The following ATG2B variants were observed in gnomAD, a reference collection of about 807,000 sequenced individuals.
The protein encoded by ATG2B is autophagy related 2B, also known as autophagy-related protein 2 homolog B.
ATG2B carries 121 observed loss-of-function variants against 241.3 expected under a neutral mutation model. That is an observed-to-expected ratio of 0.50 (90% CI 0.43 to 0.58). ATG2B has a LOEUF of 0.58. ATG2B is among the 20% of genes least tolerant of loss of function. The probability of loss-of-function intolerance (pLI) is 0.00; values close to 1 mark genes in which losing one functional copy is unlikely to be tolerated. For synonymous variants in ATG2B, 858 were observed against 876.6 expected (o/e 0.98, Z 0.37); for missense variants, 2,306 against 2,491.6 (o/e 0.93, Z 1.59).
intron 16 of ATG2B, among the ~76,000 whole-genome samples, 196 bp from the exon 17 acceptor site, chr14:96,322,931 T>C (rs997096584): frequency 6.6e-6 from 1 of 152,182 alleles, no homozygotes; most frequent in Admixed American, 6.5e-5. Context: ...CTGAAACAAG[T>C]AAGTAACAGA....
At chr14:96,307,308 G>A (rs745981000) in intron 29 of ATG2B, among the ~76,000 whole-genome samples, 6 of 152,132 alleles carry the variant, frequency 3.9e-5, no homozygotes, top group Non-Finnish European at 8.8e-5. Flanking sequence ...CTACCTGGGA[G>A]GCCGAGGTAG....
intron 6 of ATG2B, among the ~76,000 whole-genome samples, chr14:96,340,148 AAT>A (rs1555369435): frequency 1.6e-3 from 23 of 14,616 alleles, no homozygotes; most frequent in African/African-American, 4.3e-3. Flanking sequence ...GATATATATG[AAT>A]ATATATATCA....
intron 34 of ATG2B, 74 bp from the exon 35 acceptor site, chr14:96,295,634 C>G: frequency 1.1e-6 from 1 of 940,276 alleles, no homozygotes; most frequent in Non-Finnish European, 1.6e-6. Context: ...AACAAAGTAT[C>G]TTAAACTCAT....
chr14:96,321,615 A>C (rs1887458871), intron 18 of ATG2B, among the ~76,000 whole-genome samples: 1 of 152,214 alleles, frequency 6.6e-6, no homozygotes, highest in South Asian at 2.1e-4. Flanking sequence ...CATTAGTATC[A>C]AAATACCTGC....
rs575307870 is a variant in ATG2B, at chr14:96,301,792, T to C, written c.5139+215A>G. ...AGGTATTAAGGTCTACATCACACCATGAGTAGGAGACTGGGGAATAACATC... is the reference window on the plus strand; with the variant it reads ...AGGTATTAAGGTCTACATCACACCACGAGTAGGAGACTGGGGAATAACATC... On this transcript the variant is annotated intron_variant, in intron 34 of 41. Transcript: ENST00000359933. Among the ~76,000 whole-genome samples the C allele has an allele frequency of 1.7e-4, 26 of 152,224 alleles. No homozygotes were observed. The South Asian group carries it at 5.0e-3, about 29-fold the overall frequency.
At position 96,309,578 on chromosome 14, in the gene ATG2B, C is replaced by T. The variant is rs745992587; in HGVS notation, c.4178G>A (p.Arg1393Gln). The T allele has an allele frequency of 1.7e-5, 28 of 1,612,252 alleles. 1 individual carries two copies. The South Asian group carries it at 1.9e-4, about 11-fold the overall frequency. ...AAGTACTGGACCACGTGAGGATGAT[C>T]GACCACTGGAATCTACCTATAGCCA... ...QRRSKVDSSG[R>Q]SSSRGPVLPE... Residue 1393 changes from arginine to glutamine, a missense_variant, in exon 29 of 42, where the codon CGA becomes CAA. By Grantham distance (43) the Arg-to-Gln change is conservative (BLOSUM62 1). Coordinates refer to ENST00000359933, the MANE Select transcript of ATG2B (RefSeq NM_018036.7).
intron 1 of ATG2B, among the ~76,000 whole-genome samples, chr14:96,352,143 C>T (rs909661598): frequency 6.6e-6 from 1 of 152,184 alleles, no homozygotes; most frequent in Non-Finnish European, 1.5e-5. Flanking sequence ...CTGAAAAATT[C>T]CTATCACCTT....
intron 1 of ATG2B, among the ~76,000 whole-genome samples, chr14:96,357,562 C>A (rs919674997): frequency 6.6e-6 from 1 of 152,226 alleles, no homozygotes; most frequent in Non-Finnish European, 1.5e-5. Flanking sequence ...CCACTCCCAA[C>A]TCCAGACAGT....
In ATG2B at chr14:96,362,665, C is replaced by T. The variant is rs1888693048; in HGVS notation, c.162+150G>A. 6.6e-6 allele frequency: 5 copies of T among 752,958 alleles called. 1 individual carries two copies. The highest frequency in any genetic ancestry group is 6.1e-5 in the South Asian group (3 of 49,190). The allele number at this position is 752,958 out of a possible 1,614,324, so 46.6% of individuals were successfully genotyped here. On this transcript the variant is annotated intron_variant, in intron 1 of 41. Coordinates refer to ENST00000359933, the MANE Select transcript of ATG2B (RefSeq NM_018036.7). Reference sequence around the variant, plus strand: ...AACTTGTTAGAAACAGATTAAACAACACTCTAACACATTTCTCTGAGCCGT... The same window carrying T: ...AACTTGTTAGAAACAGATTAAACAATACTCTAACACATTTCTCTGAGCCGT...
At chr14:96,323,488 T>G (rs1369475253) in intron 16 of ATG2B, among the ~76,000 whole-genome samples, 2 of 152,220 alleles carry the variant, frequency 1.3e-5, no homozygotes, top group African/African-American at 4.8e-5. Context: ...GTGGTGTTAT[T>G]TGGTTTGTAA....
Position 96,305,698 on chromosome 14 carries a change from G to C in ATG2B, c.4624C>G (p.Pro1542Ala), listed in dbSNP as rs1286051562. Residue 1542 changes from proline (P) to alanine (A), a missense_variant, in exon 31 of 42, where the codon CCC (proline) becomes GCC (alanine). Around this residue, in one of 2 missense-constraint regions of ATG2B, gnomAD observed 1,927 missense variants for 2,011.2 expected, o/e 0.96. Transcript: ENST00000359933. ...ACCACATAGCGAATCACAGGAATGG[G>C]AAAGTGTAAGGGGGCTTTGCTCGTA... ...TDTSKAPLHF[P>A]IPVIRYVVKE... 1 of 1,614,152 alleles carries C rather than the reference G, an allele frequency of 6.2e-7. No homozygotes were observed.
In ATG2B at chr14:96,322,673, T is replaced by C. The variant is rs757589030; in HGVS notation, c.2603A>G (p.Glu868Gly). The change falls in exon 17 of 42, where the codon GAA becomes GGA. Residue 868 changes from glutamate (E) to glycine (G), a missense_variant. Physicochemically the swap from Glu to Gly is moderately conservative, Grantham distance 98. Around this residue, in one of 2 missense-constraint regions of ATG2B, gnomAD observed 1,927 missense variants for 2,011.2 expected, o/e 0.96. Transcript: ENST00000359933. ...HSILERIAAE[E>G]EEENDGHYQE... Reference sequence around the variant, plus strand: ...GTAGTGACCATCATTCTCCTCTTCTTCTTCAGCTGCAATTCTCTCCAAAAT... The same window carrying C: ...GTAGTGACCATCATTCTCCTCTTCTCCTTCAGCTGCAATTCTCTCCAAAAT... 16 of 1,613,778 alleles carry C rather than the reference T, an allele frequency of 9.9e-6. No homozygotes were observed. The highest frequency in any genetic ancestry group is 1.3e-5 in the African/African-American group (1 of 75,010).
intron 7 of ATG2B, 138 bp from the exon 8 acceptor site, chr14:96,334,011 A>T (rs1887808482): frequency 4.2e-6 from 3 of 712,262 alleles, no homozygotes; most frequent in Non-Finnish European, 7.1e-6. Context: ...AGTGAGTCAG[A>T]GCTCTAAGCA....
chr14:96,292,938 C>T (rs577348547), intron 36 of ATG2B: 1 of 152,228 alleles, frequency 6.6e-6, no homozygotes, highest in East Asian at 1.9e-4. Flanking sequence ...TTCTAGATTA[C>T]TTATAGTATT....
At chr14:96,329,389 T>C in intron 12 of ATG2B, 95 bp downstream of exon 12, 1 of 834,118 alleles carries the variant, frequency 1.2e-6, no homozygotes, top group Non-Finnish European at 1.8e-6. Context: ...TATGGCTTTC[T>C]ATACATTTTT....
intron 29 of ATG2B, 66 bp from the exon 30 acceptor site, chr14:96,306,982 A>G (rs1175136282): frequency 7.6e-6 from 10 of 1,320,864 alleles, no homozygotes; most frequent in Non-Finnish European, 1.1e-5. Flanking sequence ...CATTTTAACC[A>G]TGTGTCAGAT....
chr14:96,347,730 G>T (rs1212178185), intron 1 of ATG2B, among the ~76,000 whole-genome samples: 1 of 152,136 alleles, frequency 6.6e-6, no homozygotes, highest in Non-Finnish European at 1.5e-5. Context: ...CATGTGAAAA[G>T]GTGCTCAACA....
Position 96,289,655 on chromosome 14 carries a change from C to A in ATG2B, c.6006+1G>T. 1 of 1,613,992 alleles carries A rather than the reference C, an allele frequency of 6.2e-7. No homozygotes were observed. The highest frequency in any genetic ancestry group is 8.5e-7 in the Non-Finnish European group (1 of 1,179,934). Reference sequence around the variant, plus strand: ...ATGTGTCCACCCAAGTATTCAGTTACCTCTTTCACAACACTGTAGGCCTTG... The same window carrying A: ...ATGTGTCCACCCAAGTATTCAGTTAACTCTTTCACAACACTGTAGGCCTTG... On this transcript the variant is annotated splice_donor_variant, in intron 41 of 41. Coordinates refer to ENST00000359933, the MANE Select transcript of ATG2B (RefSeq NM_018036.7). LOFTEE classifies it high-confidence loss of function. The surrounding 1 kb of genome is among the most constrained non-coding windows in gnomAD (Gnocchi z 4.3).
intron 1 of ATG2B, among the ~76,000 whole-genome samples, chr14:96,351,454 G>A (rs1353295836): frequency 1.3e-5 from 2 of 152,062 alleles, no homozygotes; most frequent in Admixed American, 1.3e-4. Flanking sequence ...TACAAAAATT[G>A]GCCAGGCGCA....
Sources: gnomAD v4.1 joint callset for allele counts (sites outside exome capture counted in the v4.1 genomes callset) on GRCh38, gnomAD v4.1.1 for gene constraint, gnomAD v4.1.1 regional missense constraint, Gnocchi (gnomAD v3.1) non-coding constraint, MANE v1.5 for transcripts, NCBI Gene and HGNC (gene_info 2026-07-23, HGNC 2026-07-21) for gene names.